CEP192: variants seen among roughly 807,000 people sequenced by gnomAD.
The protein encoded by CEP192 is centrosomal protein 192.
CEP192 carries 151 observed loss-of-function variants against 271.8 expected under a neutral mutation model. The observed-to-expected ratio is 0.56, with a 90% confidence interval of 0.49 to 0.64. CEP192 has a LOEUF of 0.64. Ranked by LOEUF, CEP192 falls within the 30% of genes least tolerant of loss-of-function variation. The pLI, the probability that CEP192 is intolerant of heterozygous loss-of-function variation, is 0.00. For synonymous variants in CEP192, 995 were observed against 1,076.5 expected, an observed-to-expected ratio of 0.92 and a Z score of 1.48; for missense variants, 2,910 against 3,020.5, an observed-to-expected ratio of 0.96 and a Z score of 0.86.
intron 30 of CEP192, among the ~76,000 whole-genome samples, chr18:13,073,986 G>T (rs1475322834): frequency 6.6e-6 from 1 of 152,094 alleles, no homozygotes; most frequent in Non-Finnish European, 1.5e-5. Flanking sequence ...GAAGCCATTT[G>T]TACAGACACA....
intron 15 of CEP192, among the ~76,000 whole-genome samples, chr18:13,043,932 G>A (rs759339280): frequency 7.2e-5 from 11 of 152,104 alleles, no homozygotes; most frequent in Admixed American, 1.3e-4. Flanking sequence ...GTACAGGCAT[G>A]CAATGTGTAA....
intron 7 of CEP192, among the ~76,000 whole-genome samples, chr18:13,017,878 C>T (rs1256537318): frequency 6.6e-6 from 1 of 152,096 alleles, no homozygotes; most frequent in South Asian, 2.1e-4. Context: ...CTTTGGTTGT[C>T]CTGTCTCTTT....
chr18:13,019,232 T>A lies in CEP192; in HGVS notation c.1050+26T>A, dbSNP rs1190822147. On this transcript the variant is annotated intron_variant, in intron 9 of 44. Coordinates refer to ENST00000506447, the MANE Select transcript of CEP192 (RefSeq NM_032142.4). ...GTAAGTTATGCATTTTTCTTAGATT[T>A]CCTATAAAAAAAGGAATAAGGGGTC... 7 of 1,471,852 alleles carry A rather than the reference T, an allele frequency of 4.8e-6. No homozygotes were observed. In the South Asian group the frequency reaches 8.4e-5, roughly 18 times the overall value. 91.2% of individuals were successfully genotyped at this position (1,471,852 alleles called of 1,614,324 possible). A position where few individuals can be genotyped will look rare whatever the true frequency, so the allele number is the denominator to read the frequency against.
chr18:13,009,389 T>G (rs1252463791), intron 4 of CEP192, among the ~76,000 whole-genome samples: 1 of 152,228 alleles, frequency 6.6e-6, no homozygotes, highest in Non-Finnish European at 1.5e-5. Flanking sequence ...TTTCTCCCAC[T>G]AATTAATTTA....
At chr18:13,087,298 G>T (rs1450924918) in intron 31 of CEP192, 21 bp downstream of exon 31, 4 of 1,556,320 alleles carry the variant, frequency 2.6e-6, no homozygotes, top group Non-Finnish European at 3.5e-6. Flanking sequence ...AAGTTTCTGT[G>T]CTAAAAACAT....
At chr18:13,008,420 A>G (rs926775912) in intron 3 of CEP192, 36 bp from the exon 4 acceptor site, 1 of 1,393,234 alleles carries the variant, frequency 7.2e-7, no homozygotes, top group Non-Finnish European at 9.8e-7. Context: ...CAAGGTAACT[A>G]ACATTTTATC....
At chr18:13,047,691 A>G (rs1488283817) in intron 15 of CEP192, among the ~76,000 whole-genome samples, 2 of 152,142 alleles carry the variant, frequency 1.3e-5, no homozygotes, top group African/African-American at 2.4e-5. Flanking sequence ...AAGTCTTAAC[A>G]TGTATTTTTT....
chr18:13,007,311 AT>A (rs1459409844), intron 3 of CEP192, among the ~76,000 whole-genome samples: 1 of 151,962 alleles, frequency 6.6e-6, no homozygotes, highest in African/African-American at 2.4e-5. Flanking sequence ...TAGTTTGAAA[AT>A]TTTTTTTGAG....
chr18:13,051,506 T>C lies in CEP192; in HGVS notation c.3018-1413T>C, dbSNP rs552127038. On this transcript the variant is annotated intron_variant, in intron 17 of 44. Transcript: ENST00000506447. ...TGCTGTTGGTTAGAAACTTACTAACTGGTATTTTGACAATACCGTCTTGAT... is the reference window on the plus strand; with the variant it reads ...TGCTGTTGGTTAGAAACTTACTAACCGGTATTTTGACAATACCGTCTTGAT... Among the ~76,000 whole-genome samples the C allele has an allele frequency of 4.9e-4, 74 of 152,346 alleles. No individual in the cohort carries two copies. The South Asian group carries it at 0.011, about 22-fold the overall frequency.
At chr18:13,042,362 T>C in intron 15 of CEP192, 28 bp downstream of exon 15, 1 of 1,611,534 alleles carries the variant, frequency 6.2e-7, no homozygotes, top group Middle Eastern at 1.7e-4. Flanking sequence ...TAAGGAAATC[T>C]AAGATTATCT....
intron 30 of CEP192, among the ~76,000 whole-genome samples, chr18:13,083,572 G>T (rs915367455): frequency 5.3e-5 from 8 of 152,106 alleles, no homozygotes; most frequent in Non-Finnish European, 7.4e-5. Flanking sequence ...TTCTCCTTTA[G>T]CTCGGAGAAG....
intron 34 of CEP192, among the ~76,000 whole-genome samples, chr18:13,094,614 C>T (rs982002037): frequency 4.6e-5 from 7 of 152,270 alleles, no homozygotes; most frequent in African/African-American, 1.2e-4. Flanking sequence ...CATTTCTCTC[C>T]GAAGCTGAGA....
At chr18:13,080,212 C>G (rs1029594030) in intron 30 of CEP192, among the ~76,000 whole-genome samples, 4 of 152,012 alleles carry the variant, frequency 2.6e-5, no homozygotes, top group Admixed American at 1.3e-4. Flanking sequence ...CATTGAATCT[C>G]TAAATTACCT....
intron 3 of CEP192, among the ~76,000 whole-genome samples, chr18:13,004,138 G>GGTACAA (rs1403907648): frequency 1.3e-5 from 2 of 152,216 alleles, no homozygotes; most frequent in Non-Finnish European, 2.9e-5. Flanking sequence ...GTAGTTTGGT[G>GGTACAA]TAAGTAGGGA....
At chr18:13,097,831 G>A (rs1353216050) in intron 36 of CEP192, among the ~76,000 whole-genome samples, 1 of 151,474 alleles carries the variant, frequency 6.6e-6, no homozygotes, top group Non-Finnish European at 1.5e-5. Context: ...TTGAGATTAG[G>A]GAGTGGCGAT....
intron 42 of CEP192, 26 bp downstream of exon 42, chr18:13,114,277 A>T: frequency 1.2e-6 from 2 of 1,607,866 alleles, no homozygotes; most frequent in South Asian, 2.2e-5. Context: ...CATTCTTATG[A>T]GTTTTTTCCC....
chr18:13,055,836 G>T lies in CEP192; in HGVS notation c.3246G>T (p.Leu1082Phe), dbSNP rs571500568. 6.2e-7 allele frequency: 1 copy of T among 1,610,882 alleles called. No homozygotes were observed. The highest frequency in any genetic ancestry group is 1.7e-5 in the Admixed American group (1 of 59,614). ...TTATTCAAGGCAGTCCAGCCGCATT[G>T]GAGGAACGGGCTATGGAAAAATTGA... ...TTIIQGSPAA[L>F]EERAMEKLRE... The change falls in exon 19 of 45, where the codon TTG (leucine) becomes TTT (phenylalanine). Residue 1082 changes from leucine to phenylalanine, a missense_variant. Coordinates refer to ENST00000506447, the MANE Select transcript of CEP192 (RefSeq NM_032142.4).
At chr18:13,008,700 GGA>G in intron 4 of CEP192, 69 bp downstream of exon 4, 2 of 1,249,444 alleles carry the variant, frequency 1.6e-6, no homozygotes, top group Non-Finnish European at 2.2e-6. Flanking sequence ...CCTTATCTTT[GGA>G]TTTTTTTTTT....
At chr18:13,103,626 T>A (rs1356917900) in intron 39 of CEP192, 38 bp downstream of exon 39, 1 of 1,435,672 alleles carries the variant, frequency 7.0e-7, no homozygotes, top group Non-Finnish European at 9.8e-7. Flanking sequence ...CGTTTTAATG[T>A]TTAGACTTTA....
Sources: gnomAD v4.1 joint callset for allele counts (sites outside exome capture counted in the v4.1 genomes callset) on GRCh38, gnomAD v4.1.1 for gene constraint, MANE v1.5 for transcripts, NCBI Gene and HGNC (gene_info 2026-07-23, HGNC 2026-07-21) for gene names.